Variants in CADM2 observed in about 807,000 individuals in gnomAD.
CADM2 encodes cell adhesion molecule 2.
Under a neutral mutation model 49.8 loss-of-function variants are expected in CADM2, and 12 were observed. That is an observed-to-expected ratio of 0.24 (90% CI 0.15 to 0.39). The LOEUF (loss-of-function observed/expected upper bound fraction) is 0.39. Ranked by LOEUF, CADM2 falls within the 10% of genes least tolerant of loss-of-function variation. The pLI is 1.00. For missense variants in CADM2, 378 were observed against 492.3 expected (o/e 0.77, Z 2.20); for synonymous variants, 214 against 175.4 (o/e 1.22, Z -1.74).
Position 86,047,801 on chromosome 3 carries a change from T to A in CADM2, c.971-17804T>A, listed in dbSNP as rs187636206. ...AAAGGCACATTGAAGTGAAATACTC[T>A]CACATTTCGAGTCCCAAATCTGGGG... On this transcript the variant is annotated intron_variant, in intron 8 of 9. Coordinates refer to ENST00000383699, the MANE Select transcript of CADM2 (RefSeq NM_001167675.2). 1.4e-4 allele frequency among the ~76,000 whole-genome samples: 21 copies of A among 152,284 alleles called. 1 individual carries two copies. The East Asian group carries it at 2.5e-3, about 18-fold the overall frequency.
At chr3:85,417,649 T>A (rs2035974923) in intron 1 of CADM2, among the ~76,000 whole-genome samples, 1 of 152,164 alleles carries the variant, frequency 6.6e-6, no homozygotes, top group African/African-American at 2.4e-5. Flanking sequence ...GTGCTATTTA[T>A]AGCAAGAAAG....
chr3:85,119,643 T>G (rs2038781497), intron 1 of CADM2, among the ~76,000 whole-genome samples: 1 of 152,182 alleles, frequency 6.6e-6, no homozygotes, highest in Non-Finnish European at 1.5e-5. Flanking sequence ...CATGGAATGC[T>G]TTTCCATTTG....
At chr3:85,700,652 C>A (rs2066726212) in intron 1 of CADM2, among the ~76,000 whole-genome samples, 2 of 152,112 alleles carry the variant, frequency 1.3e-5, no homozygotes, top group South Asian at 2.1e-4. Context: ...TTCCATAGAT[C>A]CTTAGGGTTG....
At chr3:85,937,920 A>G (rs1303540008) in intron 7 of CADM2, among the ~76,000 whole-genome samples, 3 of 152,036 alleles carry the variant, frequency 2.0e-5, no homozygotes, top group Admixed American at 2.0e-4. Flanking sequence ...CATAAATCCC[A>G]GTGTTATATT....
At chr3:85,363,593 T>C (rs1331832648) in intron 1 of CADM2, among the ~76,000 whole-genome samples, 1 of 152,182 alleles carries the variant, frequency 6.6e-6, no homozygotes, top group Non-Finnish European at 1.5e-5. Flanking sequence ...GGTATTTTGA[T>C]TTGATATCTT....
chr3:85,764,676 G>A (rs1207701786), intron 2 of CADM2, among the ~76,000 whole-genome samples: 1 of 152,020 alleles, frequency 6.6e-6, no homozygotes, highest in African/African-American at 2.4e-5. Context: ...CATATCAAGA[G>A]TGGGGTCATT....
intron 2 of CADM2, among the ~76,000 whole-genome samples, chr3:85,775,952 C>T (rs1326799463): frequency 6.6e-6 from 1 of 151,682 alleles, no homozygotes; most frequent in Non-Finnish European, 1.5e-5. Flanking sequence ...TTAGTACAGG[C>T]AACTATTTCT....
At chr3:85,364,365 A>G (rs1375685901) in intron 1 of CADM2, among the ~76,000 whole-genome samples, 1 of 152,314 alleles carries the variant, frequency 6.6e-6, no homozygotes, top group East Asian at 1.9e-4. Context: ...GTTAAAACTC[A>G]CGCCTGTTAT....
chr3:85,034,369 C>T (rs768261660), intron 1 of CADM2, among the ~76,000 whole-genome samples: 1 of 152,160 alleles, frequency 6.6e-6, no homozygotes, highest in Non-Finnish European at 1.5e-5. Flanking sequence ...CTTTGCCTGG[C>T]TTATTTCCCT....
intron 8 of CADM2, among the ~76,000 whole-genome samples, chr3:86,061,421 T>A (rs1440571235): frequency 6.6e-6 from 1 of 152,046 alleles, no homozygotes; most frequent in South Asian, 2.1e-4. Flanking sequence ...GTAAGTTACA[T>A]AAAATTATTG....
At chr3:85,251,071 T>C (rs2042761280) in intron 1 of CADM2, among the ~76,000 whole-genome samples, 1 of 151,838 alleles carries the variant, frequency 6.6e-6, no homozygotes, top group Non-Finnish European at 1.5e-5. Flanking sequence ...AGAATTTATT[T>C]TGATCTATAA....
chr3:85,857,022 G>T (rs553347675), intron 3 of CADM2, among the ~76,000 whole-genome samples: 1 of 152,218 alleles, frequency 6.6e-6, no homozygotes, highest in Admixed American at 6.5e-5. Context: ...TTTGAAGTTT[G>T]GAGTTTAAAA....
chr3:85,075,382 T>A (rs6809971), intron 1 of CADM2, among the ~76,000 whole-genome samples: 12,401 of 152,138 alleles, frequency 0.082, 1,671 homozygotes, highest in African/African-American at 0.28. Context: ...TAAATGACTA[T>A]CTTCAATTAG....
intron 2 of CADM2, among the ~76,000 whole-genome samples, chr3:85,798,018 G>C (rs1017942975): frequency 1.3e-5 from 2 of 152,138 alleles, no homozygotes. Flanking sequence ...CAGTGATGAT[G>C]AACTTTTTTT....
chr3:85,589,390 A>T (rs371969008), intron 1 of CADM2, among the ~76,000 whole-genome samples: 5 of 150,558 alleles, frequency 3.3e-5, no homozygotes, highest in East Asian at 3.9e-4. Context: ...AGAAAAGACA[A>T]CAAGTAAAAA....
intron 1 of CADM2, among the ~76,000 whole-genome samples, chr3:85,328,349 A>C (rs1309764193): frequency 6.6e-6 from 1 of 152,228 alleles, no homozygotes. Context: ...ATTTGTCACT[A>C]TAACTCTAAT....
chr3:85,559,064 A>G (rs2062027067), intron 1 of CADM2, among the ~76,000 whole-genome samples: 1 of 151,980 alleles, frequency 6.6e-6, no homozygotes, highest in Non-Finnish European at 1.5e-5. Context: ...CACTTTCTAG[A>G]TTATTTTTAA....
At chr3:85,086,231 A>T (rs1328092545) in intron 1 of CADM2, among the ~76,000 whole-genome samples, 1 of 152,114 alleles carries the variant, frequency 6.6e-6, no homozygotes, top group Non-Finnish European at 1.5e-5. Context: ...ATACAGAAAT[A>T]AGAGTACGTT....
chr3:85,952,198 A>G (rs989170655), intron 7 of CADM2, among the ~76,000 whole-genome samples: 2 of 150,986 alleles, frequency 1.3e-5, no homozygotes, highest in Non-Finnish European at 3.0e-5. Context: ...AAGTCAAGGT[A>G]TTAGTGGGAT....
Sources: gnomAD v4.1 joint callset for allele counts (sites outside exome capture counted in the v4.1 genomes callset) on GRCh38, gnomAD v4.1.1 for gene constraint, MANE v1.5 for transcripts, NCBI Gene and HGNC (gene_info 2026-07-23, HGNC 2026-07-21) for gene names.